The following CDC25C variants were observed in gnomAD, a reference collection of about 807,000 sequenced individuals.
The protein encoded by CDC25C is M-phase inducer phosphatase 3.
In CDC25C, 48 loss-of-function variants were observed where a neutral mutation model predicts 52.5. The observed-to-expected ratio is 0.91, with a 90% CI of 0.72 to 1.16. CDC25C has a LOEUF of 1.16. Among genes scored for constraint, CDC25C ranks in the 50% most tolerant of loss-of-function variants. The pLI, the probability that CDC25C is intolerant of heterozygous loss-of-function variation, is 0.00. For synonymous variants in CDC25C, 187 were observed against 206.5 expected, an observed-to-expected ratio of 0.91 and a Z score of 0.81; for missense variants, 510 against 566.1, an observed-to-expected ratio of 0.90 and a Z score of 1.01.
chr5:138,326,952 C>CAAAAAAAAAAAAAAAAA (rs1208599313), intron 4 of CDC25C, among the ~76,000 whole-genome samples: 3 of 61,406 alleles, frequency 4.9e-5, no homozygotes, highest in African/African-American at 1.6e-4. Context: ...AACTCCGTCT[C>CAAAAAAAAAAAAAAAAA]AAAAAAAAAA....
At chr5:138,310,190 C>T (rs1758335565) in intron 7 of CDC25C, among the ~76,000 whole-genome samples, 1 of 152,194 alleles carries the variant, frequency 6.6e-6, no homozygotes, top group Non-Finnish European at 1.5e-5. Flanking sequence ...GTTCATCCAC[C>T]ATTGGCAATC....
chr5:138,311,276 G>A (rs186462126), intron 7 of CDC25C, among the ~76,000 whole-genome samples: 1 of 152,240 alleles, frequency 6.6e-6, no homozygotes, highest in East Asian at 1.9e-4. Context: ...AAACTTAAGA[G>A]CTATAACTAT....
intron 7 of CDC25C, among the ~76,000 whole-genome samples, chr5:138,307,503 A>AAG (rs1436360167): frequency 5.3e-5 from 8 of 151,480 alleles, no homozygotes; most frequent in Non-Finnish European, 8.8e-5. Flanking sequence ...AAAAAAAAAA[A>AAG]AAAAAAAAGA....
At chr5:138,306,483 T>C (rs1758008190) in intron 7 of CDC25C, among the ~76,000 whole-genome samples, 1 of 151,940 alleles carries the variant, frequency 6.6e-6, no homozygotes, top group Admixed American at 6.6e-5. Flanking sequence ...TTATTATTAT[T>C]ATTATATTTT....
intron 7 of CDC25C, among the ~76,000 whole-genome samples, chr5:138,296,898 C>T: frequency 7.0e-6 from 1 of 142,844 alleles, no homozygotes; most frequent in Middle Eastern, 4.7e-3. Flanking sequence ...AGCCACCACG[C>T]CCGGCCACTT....
intron 6 of CDC25C, among the ~76,000 whole-genome samples, chr5:138,319,847 T>C (rs1309995153): frequency 6.6e-6 from 1 of 152,194 alleles, no homozygotes; most frequent in Non-Finnish European, 1.5e-5. Context: ...TTTATACCCA[T>C]TAGGATAGCC....
chr5:138,292,159 T>C (rs764662095), intron 7 of CDC25C, 43 bp from the exon 8 acceptor site: 3 of 1,568,386 alleles, frequency 1.9e-6, no homozygotes, highest in East Asian at 2.3e-5. Context: ...CTCCTCCAAG[T>C]GTGTCTGCAG....
chr5:138,323,791 C>A (rs1561715785), intron 6 of CDC25C, among the ~76,000 whole-genome samples: 1 of 151,846 alleles, frequency 6.6e-6, no homozygotes, highest in Non-Finnish European at 1.5e-5. Context: ...AACCCCGTCT[C>A]TACTAAAAAT....
upstream of CDC25C, among the ~76,000 whole-genome samples, chr5:138,335,767 GGTTTTTTTTTTTGTTTT>G (rs1464750727): frequency 7.6e-6 from 1 of 132,094 alleles, no homozygotes; most frequent in African/African-American, 2.6e-5. Flanking sequence ...TGACTTGCAG[GGTTTTTTTTTTTGTTTT>G]GTTTTTTTTG....
At chr5:138,298,523 G>T (rs1447849147) in intron 7 of CDC25C, among the ~76,000 whole-genome samples, 1 of 151,908 alleles carries the variant, frequency 6.6e-6, no homozygotes, top group African/African-American at 2.4e-5. Context: ...AGGCTGAGGC[G>T]GGCAGATCAC....
At chr5:138,287,971 G>A (rs1243197574) in intron 10 of CDC25C, among the ~76,000 whole-genome samples, 1 of 152,116 alleles carries the variant, frequency 6.6e-6, no homozygotes, top group African/African-American at 2.4e-5. Flanking sequence ...GAATAGAGCG[G>A]CATTATATAG....
upstream of CDC25C, among the ~76,000 whole-genome samples, chr5:138,335,902 TAAA>T (rs780820026): frequency 2.6e-5 from 4 of 151,914 alleles, no homozygotes; most frequent in East Asian, 1.9e-4. Flanking sequence ...TAATTAATAA[TAAA>T]AAGGTGAACA....
chr5:138,286,483 A>T lies in CDC25C; in HGVS notation c.1160+14T>A. The T allele has an allele frequency of 6.2e-7, 1 of 1,608,142 alleles. No homozygotes were observed. Among genetic ancestry groups the T allele is most frequent in the South Asian group, 1.1e-5 (1 of 90,366 alleles). On this transcript the variant is annotated intron_variant, in intron 12 of 13. Transcript: ENST00000323760. ...CCATTTCCATCACCCGCCAGACCCCATTTAGACACTCACATTCGGGGGCCC... is the reference window on the plus strand; with the variant it reads ...CCATTTCCATCACCCGCCAGACCCCTTTTAGACACTCACATTCGGGGGCCC...
At chr5:138,320,089 G>A (rs1248917042) in intron 6 of CDC25C, among the ~76,000 whole-genome samples, 3 of 152,126 alleles carry the variant, frequency 2.0e-5, no homozygotes, top group South Asian at 4.1e-4. Flanking sequence ...AGCAGATCAC[G>A]AGGTCAGGAG....
chr5:138,320,891 G>A (rs1759316094), intron 6 of CDC25C, among the ~76,000 whole-genome samples: 1 of 127,154 alleles, frequency 7.9e-6, no homozygotes, highest in Admixed American at 9.8e-5. Context: ...ACTCCAGCCT[G>A]GGTGACAGAG....
intron 7 of CDC25C, among the ~76,000 whole-genome samples, chr5:138,316,318 C>T (rs892510721): frequency 2.0e-5 from 3 of 152,160 alleles, no homozygotes; most frequent in East Asian, 1.9e-4. Context: ...GTGTGTGCAC[C>T]CTCAGGGCAG....
intron 7 of CDC25C, among the ~76,000 whole-genome samples, chr5:138,301,853 G>A (rs1240872208): frequency 6.6e-6 from 1 of 151,480 alleles, no homozygotes; most frequent in African/African-American, 2.4e-5. Flanking sequence ...ACAGGTGTGT[G>A]CCACTGCACC....
intron 7 of CDC25C, among the ~76,000 whole-genome samples, chr5:138,315,710 G>A (rs920166977): frequency 6.6e-6 from 1 of 152,162 alleles, no homozygotes; most frequent in South Asian, 2.1e-4. Flanking sequence ...TAAAAACTGA[G>A]GTCAAGTGGT....
At chr5:138,286,249 T>C (rs1756218699) in intron 12 of CDC25C, 116 bp from the exon 13 acceptor site, 2 of 869,054 alleles carry the variant, frequency 2.3e-6, no homozygotes. Flanking sequence ...AAAAGGACTT[T>C]CCAATCTCCC....
Sources: allele counts gnomAD v4.1 joint callset (sites outside exome capture counted in the v4.1 genomes callset), GRCh38; gene constraint gnomAD v4.1.1; transcripts MANE v1.5; gene names NCBI Gene and HGNC (gene_info 2026-07-23, HGNC 2026-07-21).